Variants in DMD observed in about 807,000 individuals in gnomAD.
The protein encoded by DMD is mutant dystrophin.
Under a neutral mutation model 330.1 loss-of-function variants are expected in DMD, and 63 were observed. That is an observed-to-expected ratio of 0.19 (90% confidence interval 0.16 to 0.24). The LOEUF (loss-of-function observed/expected upper bound fraction) is 0.24, where lower values mean the gene tolerates loss of function less well. Among genes scored for constraint, DMD ranks in the 10% least tolerant of loss-of-function variants. DMD has a pLI of 1.00. For missense variants in DMD, 3,344 were observed against 2,684.1 expected (o/e 1.25, Z -5.43); for synonymous variants, 1,223 against 959.8 (o/e 1.27, Z -5.07).
chrX:31,927,328 T>C (rs1474538873), intron 47 of DMD, among the ~76,000 whole-genome samples: 5 of 112,301 alleles, frequency 4.5e-5, no homozygotes, highest in Non-Finnish European at 7.5e-5. Flanking sequence ...TTTGACTTTT[T>C]ATTCTGTTGC....
chrX:31,741,741 A>G (rs767580030), intron 51 of DMD, among the ~76,000 whole-genome samples: 132 of 110,092 alleles, frequency 1.2e-3, no homozygotes, highest in African/African-American at 4.3e-3. Context: ...ACTGGCTTCA[A>G]CTGAAAGTCA....
chrX:33,138,342 T>C (rs1401794038), intron 1 of DMD, among the ~76,000 whole-genome samples: 1 of 112,059 alleles, frequency 8.9e-6, no homozygotes, highest in African/African-American at 3.2e-5. Context: ...TGACGTGGCC[T>C]GATCACTCAG....
chrX:31,654,804 C>T (rs181367681), intron 54 of DMD, among the ~76,000 whole-genome samples: 7 of 110,904 alleles, frequency 6.3e-5, no homozygotes, highest in East Asian at 2.8e-4. Context: ...AGTCAACTAA[C>T]GGGTACCAGG....
chrX:32,592,844 G>A (rs1419369144), intron 13 of DMD, among the ~76,000 whole-genome samples: 6 of 112,220 alleles, frequency 5.3e-5, no homozygotes, highest in Non-Finnish European at 7.5e-5. Flanking sequence ...GCTTTCAGGT[G>A]CCACCGCGAT....
chrX:32,811,009 A>G (rs2077331075), intron 6 of DMD, among the ~76,000 whole-genome samples: 1 of 109,724 alleles, frequency 9.1e-6, no homozygotes. Flanking sequence ...CACATCACTG[A>G]TAAGTTCTTC....
intron 13 of DMD, among the ~76,000 whole-genome samples, chrX:32,588,780 T>G (rs1336569824): frequency 1.8e-5 from 2 of 111,699 alleles, no homozygotes; most frequent in Non-Finnish European, 3.8e-5. Flanking sequence ...GGTTGAGAAA[T>G]ATTTTGACAT....
At chrX:31,128,775 C>T (rs1400216779) in intron 77 of DMD, among the ~76,000 whole-genome samples, 2 of 111,425 alleles carry the variant, frequency 1.8e-5, no homozygotes, top group Non-Finnish European at 3.8e-5. Context: ...AATCCTCCCT[C>T]ATCACTTGGG....
intron 2 of DMD, among the ~76,000 whole-genome samples, chrX:32,867,469 CTA>C (rs890986789): frequency 2.7e-5 from 3 of 111,806 alleles, no homozygotes; most frequent in Non-Finnish European, 3.8e-5. Context: ...TAAAATTGCC[CTA>C]TGAGAAAATC....
chrX:31,370,894 G>T (rs1003146740), intron 60 of DMD, among the ~76,000 whole-genome samples: 2 of 111,923 alleles, frequency 1.8e-5, no homozygotes, highest in Non-Finnish European at 3.8e-5. Flanking sequence ...AATCTCTAGG[G>T]AATTATGTTG....
chrX:32,791,919 C>T (rs1384441395), intron 7 of DMD, among the ~76,000 whole-genome samples: 1 of 111,665 alleles, frequency 9.0e-6, no homozygotes, highest in Non-Finnish European at 1.9e-5. Context: ...TCAAAAATGT[C>T]TTGTCCATGA....
At chrX:32,678,338 T>G (rs953305294) in intron 9 of DMD, among the ~76,000 whole-genome samples, 1 of 112,325 alleles carries the variant, frequency 8.9e-6, no homozygotes, top group Non-Finnish European at 1.9e-5. Flanking sequence ...CTAACAATTT[T>G]CAACACATTT....
intron 44 of DMD, among the ~76,000 whole-genome samples, chrX:32,204,918 C>T (rs1487040750): frequency 9.5e-6 from 1 of 104,760 alleles, no homozygotes; most frequent in Non-Finnish European, 2.0e-5. Context: ...CAGGCCCTGC[C>T]TCCAACATTG....
chrX:31,576,359 G>A (rs1221798445), intron 55 of DMD, among the ~76,000 whole-genome samples: 1 of 111,184 alleles, frequency 9.0e-6, no homozygotes, highest in Non-Finnish European at 1.9e-5. Context: ...TTATAAGAAT[G>A]ATATTCTGAT....
At chrX:32,335,558 TTA>T (rs1302471020) in intron 41 of DMD, among the ~76,000 whole-genome samples, 1 of 61,851 alleles carries the variant, frequency 1.6e-5, no homozygotes, top group East Asian at 5.1e-4. Context: ...CGTGTATATG[TTA>T]TATAACATGT....
chrX:32,217,124 G>C, intron 43 of DMD, 61 bp from the exon 44 acceptor site: 1 of 1,105,615 alleles, frequency 9.0e-7, no homozygotes, highest in Non-Finnish European at 1.2e-6. Context: ...AGATTATAGA[G>C]ATATAGCGTA....
intron 44 of DMD, among the ~76,000 whole-genome samples, chrX:32,075,126 T>A (rs2096333432): frequency 9.0e-6 from 1 of 111,657 alleles, no homozygotes; most frequent in African/African-American, 3.3e-5. Flanking sequence ...CAGAGAGAAG[T>A]TAATGTTACT....
At chrX:33,179,611 G>A (rs181023748) in intron 1 of DMD, among the ~76,000 whole-genome samples, 1,864 of 107,319 alleles carry the variant, frequency 0.017, 60 homozygotes, top group African/African-American at 0.059. Flanking sequence ...GGAGAATGGC[G>A]TGAACCTGGG....
At chrX:31,783,756 G>A (rs2091148662) in intron 50 of DMD, among the ~76,000 whole-genome samples, 1 of 111,340 alleles carries the variant, frequency 9.0e-6, no homozygotes, top group Non-Finnish European at 1.9e-5. Flanking sequence ...ACAGAGTTAT[G>A]TAACTGTGAT....
In DMD at chrX:33,292,091, T is replaced by C. The variant is rs190610245; in HGVS notation, c.7+47168A>G. Among the ~76,000 whole-genome samples the C allele has an allele frequency of 7.8e-3, 864 of 111,370 alleles. 11 individuals are homozygous for C. Among genetic ancestry groups the C allele is most frequent in the African/African-American group, 0.026 (801 of 30,720 alleles). On this transcript the variant is annotated intron_variant, in intron 1 of 17. Transcript: ENST00000288447. Reference sequence around the variant, plus strand: ...CCACGGTGGGTTTGTTTTCATTCCCTTCCCCAAAACTTCCGTAACAATCTT... The same window carrying C: ...CCACGGTGGGTTTGTTTTCATTCCCCTCCCCAAAACTTCCGTAACAATCTT...
Sources: allele counts gnomAD v4.1 joint callset (sites outside exome capture counted in the v4.1 genomes callset), GRCh38; gene constraint gnomAD v4.1.1; transcripts MANE v1.5; gene names NCBI Gene and HGNC (gene_info 2026-07-23, HGNC 2026-07-21).